The following CNTNAP5 variants were observed in gnomAD, a reference collection of about 807,000 sequenced individuals.
The protein encoded by CNTNAP5 is contactin associated protein family member 5.
In CNTNAP5, 72 loss-of-function variants were observed where a neutral mutation model predicts 150.2. That is an observed-to-expected ratio of 0.48 (90% confidence interval 0.40 to 0.58). The LOEUF (loss-of-function observed/expected upper bound fraction) is 0.58, where lower values mean the gene tolerates loss of function less well. Among genes scored for constraint, CNTNAP5 ranks in the 20% least tolerant of loss-of-function variants. The pLI, the probability that CNTNAP5 is intolerant of heterozygous loss-of-function variation, is 0.00. For synonymous variants in CNTNAP5, 672 were observed against 619.8 expected (o/e 1.08, Z -1.25); for missense variants, 1,636 against 1,626.2 (o/e 1.01, Z -0.10).
chr2:124,690,618 G>A (rs980228662), intron 13 of CNTNAP5, among the ~76,000 whole-genome samples: 4 of 151,986 alleles, frequency 2.6e-5, no homozygotes, highest in Admixed American at 2.6e-4. Flanking sequence ...GGGATCTCCA[G>A]CCTCTCTCCT....
chr2:124,794,386 A>G (rs920932458), intron 18 of CNTNAP5, among the ~76,000 whole-genome samples: 3 of 152,214 alleles, frequency 2.0e-5, no homozygotes, highest in South Asian at 2.1e-4. Context: ...TGAGCACTCT[A>G]CAAAGAACAT....
At chr2:124,794,972 T>C (rs1371127015) in intron 18 of CNTNAP5, among the ~76,000 whole-genome samples, 2 of 152,240 alleles carry the variant, frequency 1.3e-5, no homozygotes, top group Non-Finnish European at 2.9e-5. Flanking sequence ...TTATTTTTAT[T>C]TAATTTGTTT....
intron 3 of CNTNAP5, among the ~76,000 whole-genome samples, chr2:124,396,761 G>T (rs935657024): frequency 6.6e-6 from 1 of 152,134 alleles, no homozygotes; most frequent in African/African-American, 2.4e-5. Context: ...GCTTGAGATA[G>T]ATCTTTCTAT....
intron 13 of CNTNAP5, among the ~76,000 whole-genome samples, chr2:124,732,341 G>T (rs926479661): frequency 4.6e-5 from 7 of 152,080 alleles, no homozygotes; most frequent in Admixed American, 2.0e-4. Flanking sequence ...CCTATGGTAT[G>T]AATATTTTTA....
intron 10 of CNTNAP5, among the ~76,000 whole-genome samples, chr2:124,552,746 A>G (rs927823713): frequency 2.6e-5 from 4 of 152,202 alleles, no homozygotes; most frequent in Non-Finnish European, 4.4e-5. Context: ...TTCCAGACTC[A>G]TTGCAAAAGC....
chr2:124,292,582 A>G (rs2104635647), intron 3 of CNTNAP5, among the ~76,000 whole-genome samples: 1 of 152,288 alleles, frequency 6.6e-6, no homozygotes, highest in South Asian at 2.1e-4. Flanking sequence ...ATGATTTCAC[A>G]TAAACCTCAA....
chr2:124,777,615 T>G (rs1358653144), intron 17 of CNTNAP5, among the ~76,000 whole-genome samples: 1 of 152,148 alleles, frequency 6.6e-6, no homozygotes, highest in Non-Finnish European at 1.5e-5. Context: ...ATTCCTGGGC[T>G]CAAACAATCT....
At position 124,352,289 on chromosome 2, in the gene CNTNAP5, A is replaced by G. The variant is rs146527997; in HGVS notation, c.382-65154A>G. On this transcript the variant is annotated intron_variant, in intron 3 of 23. Coordinates refer to ENST00000682447, the MANE Select transcript of CNTNAP5 (RefSeq NM_001367498.1). Reference sequence around the variant, plus strand: ...GGGAATAAGAAGAAAATTAATATGAAGTGTTTATTACATGTCCAGTTCCAC... The same window carrying G: ...GGGAATAAGAAGAAAATTAATATGAGGTGTTTATTACATGTCCAGTTCCAC... Among the ~76,000 whole-genome samples the G allele has an allele frequency of 1.1e-3, 170 of 152,274 alleles. 1 individual carries two copies. Among genetic ancestry groups the G allele is most frequent in the South Asian group, 3.3e-3 (16 of 4,824 alleles).
At chr2:124,071,263 T>G (rs184106696) in intron 1 of CNTNAP5, among the ~76,000 whole-genome samples, 44 of 151,634 alleles carry the variant, frequency 2.9e-4, no homozygotes, top group African/African-American at 9.9e-4. Flanking sequence ...TAAGGGAAGC[T>G]TCAAATAAAC....
At chr2:124,582,133 T>C (rs1263866241) in intron 11 of CNTNAP5, among the ~76,000 whole-genome samples, 1 of 152,146 alleles carries the variant, frequency 6.6e-6, no homozygotes, top group Non-Finnish European at 1.5e-5. Context: ...CTTTTCAGTG[T>C]AAAGCGATTC....
Position 124,647,766 on chromosome 2 carries a change from A to T in CNTNAP5, c.1885A>T (p.Ile629Phe). 4 of 1,595,848 alleles carry T rather than the reference A, an allele frequency of 2.5e-6. No homozygotes were observed. The highest frequency in any genetic ancestry group is 3.4e-6 in the Non-Finnish European group (4 of 1,166,592). The change falls in exon 13 of 24, where the codon ATC becomes TTC. Residue 629 changes from isoleucine (I) to phenylalanine (F), a missense_variant. By Grantham distance (21) the Ile-to-Phe change is conservative. Coordinates refer to ENST00000682447, the MANE Select transcript of CNTNAP5 (RefSeq NM_001367498.1). ...TTGTGTTGTCTGGGCAGAGGACAAGATCTGGACATCAGTGCAGCACAACAA... is the reference window on the plus strand; with the variant it reads ...TTGTGTTGTCTGGGCAGAGGACAAGTTCTGGACATCAGTGCAGCACAACAA... ...QVYCNITEDK[I>F]WTSVQHNNTE... is the part of the protein sequence containing the mutation.
At chr2:124,278,420 C>A (rs562667911) in intron 3 of CNTNAP5, among the ~76,000 whole-genome samples, 1 of 152,238 alleles carries the variant, frequency 6.6e-6, no homozygotes, top group South Asian at 2.1e-4. Context: ...TTATTCATTA[C>A]GCTCAGCTTT....
chr2:124,400,974 C>A (rs750989427), intron 3 of CNTNAP5, among the ~76,000 whole-genome samples: 6 of 151,978 alleles, frequency 3.9e-5, no homozygotes, highest in Middle Eastern at 3.2e-3. Flanking sequence ...CGGGTTCAAG[C>A]GATTCTCCTG....
At chr2:124,617,422 C>A (rs1677515150) in intron 12 of CNTNAP5, among the ~76,000 whole-genome samples, 1 of 152,104 alleles carries the variant, frequency 6.6e-6, no homozygotes, top group African/African-American at 2.4e-5. Flanking sequence ...TGATGGTTTG[C>A]TCAATCCTTG....
intron 19 of CNTNAP5, among the ~76,000 whole-genome samples, chr2:124,820,259 T>C (rs1266873243): frequency 1.3e-5 from 2 of 152,112 alleles, no homozygotes; most frequent in African/African-American, 4.8e-5. Context: ...TATTAGGAGA[T>C]TTTATCATCA....
At chr2:124,396,201 A>C (rs1691239292) in intron 3 of CNTNAP5, among the ~76,000 whole-genome samples, 2 of 152,266 alleles carry the variant, frequency 1.3e-5, no homozygotes, top group Non-Finnish European at 2.9e-5. Flanking sequence ...CAATGAGATC[A>C]GACCAAGTAT....
intron 1 of CNTNAP5, among the ~76,000 whole-genome samples, chr2:124,218,705 G>C (rs187582440): frequency 9.2e-5 from 14 of 152,226 alleles, no homozygotes; most frequent in Non-Finnish European, 1.3e-4. Context: ...CAAGTTAATG[G>C]GCTCTGGAAG....
intron 1 of CNTNAP5, among the ~76,000 whole-genome samples, chr2:124,124,670 C>T (rs998317496): frequency 9.9e-5 from 15 of 152,118 alleles, no homozygotes; most frequent in Non-Finnish European, 1.9e-4. Flanking sequence ...AGAGAAAGGT[C>T]GGGTTACCCA....
chr2:124,786,924 T>G (rs575196886), intron 17 of CNTNAP5, among the ~76,000 whole-genome samples: 1 of 152,310 alleles, frequency 6.6e-6, no homozygotes, highest in African/African-American at 2.4e-5. Flanking sequence ...AAATGGAAAT[T>G]TAGTTCACTG....
Sources: gnomAD v4.1 joint callset for allele counts (sites outside exome capture counted in the v4.1 genomes callset) on GRCh38, gnomAD v4.1.1 for gene constraint, MANE v1.5 for transcripts, NCBI Gene and HGNC (gene_info 2026-07-23, HGNC 2026-07-21) for gene names.